The following ZCCHC7 variants were observed in gnomAD, a reference collection of about 807,000 sequenced individuals.
ZCCHC7 encodes zinc finger CCHC-type containing 7.
ZCCHC7 carries 35 observed loss-of-function variants against 52.0 expected under a neutral mutation model. That is an observed-to-expected ratio of 0.67 (90% CI 0.51 to 0.89). The LOEUF is 0.89. Among genes scored for constraint, ZCCHC7 ranks in the 40% least tolerant of loss-of-function variants. The pLI is 0.00. For missense variants in ZCCHC7, 574 were observed against 649.1 expected, an observed-to-expected ratio of 0.88 and a Z score of 1.26; for synonymous variants, 217 against 221.5, an observed-to-expected ratio of 0.98 and a Z score of 0.18.
intron 2 of ZCCHC7, among the ~76,000 whole-genome samples, chr9:37,200,711 C>G (rs1380073520): frequency 6.6e-6 from 1 of 152,126 alleles, no homozygotes; most frequent in Non-Finnish European, 1.5e-5. Flanking sequence ...TTATAGCTGT[C>G]TGTAAATTAT....
chr9:37,321,156 T>C (rs1272270655), intron 5 of ZCCHC7, among the ~76,000 whole-genome samples: 1 of 151,598 alleles, frequency 6.6e-6, no homozygotes, highest in Non-Finnish European at 1.5e-5. Context: ...ACCCGGCTAA[T>C]TTTTTGTATT....
chr9:37,133,288 A>T (rs1842866398), intron 2 of ZCCHC7, among the ~76,000 whole-genome samples: 1 of 152,180 alleles, frequency 6.6e-6, no homozygotes, highest in African/African-American at 2.4e-5. Context: ...CATGTAAATA[A>T]CTGTTATATT....
At chr9:37,326,278 T>C (rs1427000979) in intron 5 of ZCCHC7, 1 of 152,138 alleles carries the variant, frequency 6.6e-6, no homozygotes, top group Non-Finnish European at 1.5e-5. Flanking sequence ...AGTTTGTGGC[T>C]ACATTTGGTA....
chr9:37,244,101 G>T (rs1825984929), intron 2 of ZCCHC7, among the ~76,000 whole-genome samples: 1 of 151,568 alleles, frequency 6.6e-6, no homozygotes, highest in African/African-American at 2.4e-5. Context: ...ATGCCATATG[G>T]TTGCTGCCCA....
intron 1 of ZCCHC7, among the ~76,000 whole-genome samples, chr9:37,124,670 C>T (rs1365872691): frequency 6.6e-6 from 1 of 152,058 alleles, no homozygotes; most frequent in Non-Finnish European, 1.5e-5. Flanking sequence ...AGCCTGGTTG[C>T]AAGTGATTTT....
chr9:37,214,955 T>C (rs1824427168), intron 2 of ZCCHC7, among the ~76,000 whole-genome samples: 1 of 152,056 alleles, frequency 6.6e-6, no homozygotes, highest in Admixed American at 6.5e-5. Context: ...TGTAGGAAAA[T>C]AAAAACTTTA....
At chr9:37,162,922 G>T (rs1327944316) in intron 2 of ZCCHC7, among the ~76,000 whole-genome samples, 1 of 152,110 alleles carries the variant, frequency 6.6e-6, no homozygotes, top group East Asian at 1.9e-4. Context: ...AAAAATACAG[G>T]CCGGGTACTG....
intron 2 of ZCCHC7, among the ~76,000 whole-genome samples, chr9:37,231,117 T>C (rs1322778405): frequency 2.6e-5 from 4 of 152,146 alleles, no homozygotes; most frequent in Non-Finnish European, 5.9e-5. Context: ...ACTAATTTTT[T>C]CTATTTTTAG....
chr9:37,302,069 A>G, intron 2 of ZCCHC7, 119 bp from the exon 3 acceptor site: 3 of 797,026 alleles, frequency 3.8e-6, no homozygotes, highest in Non-Finnish European at 6.3e-6. Flanking sequence ...TCAGGTATTC[A>G]ACATTTCTCA....
chr9:37,181,381 A>T (rs1822345272), intron 2 of ZCCHC7, among the ~76,000 whole-genome samples: 1 of 152,230 alleles, frequency 6.6e-6, no homozygotes, highest in Non-Finnish European at 1.5e-5. Flanking sequence ...ATTTGCACTG[A>T]CTTCAAAACT....
intron 5 of ZCCHC7, among the ~76,000 whole-genome samples, chr9:37,324,839 G>A (rs1020988955): frequency 1.3e-5 from 2 of 152,184 alleles, no homozygotes; most frequent in African/African-American, 4.8e-5. Flanking sequence ...TTTGTTCATT[G>A]TTGTGGAAAT....
intron 2 of ZCCHC7, among the ~76,000 whole-genome samples, chr9:37,206,450 C>G (rs1823921597): frequency 6.6e-6 from 1 of 152,040 alleles, no homozygotes; most frequent in Admixed American, 6.5e-5. Context: ...CTGCTGGACT[C>G]AAGCAATCCT....
intron 2 of ZCCHC7, among the ~76,000 whole-genome samples, chr9:37,247,774 G>A (rs1013513246): frequency 6.6e-6 from 1 of 151,950 alleles, no homozygotes; most frequent in Admixed American, 6.6e-5. Context: ...CAATTAGCTG[G>A]GCATGGTGGC....
chr9:37,273,587 AG>A (rs1827539070), intron 2 of ZCCHC7, among the ~76,000 whole-genome samples: 1 of 152,242 alleles, frequency 6.6e-6, no homozygotes, highest in South Asian at 2.1e-4. Flanking sequence ...CTCCTCAGCA[AG>A]GGTAATCATC....
intron 7 of ZCCHC7, among the ~76,000 whole-genome samples, chr9:37,350,128 T>TG (rs1821279664): frequency 8.0e-6 from 1 of 125,296 alleles, no homozygotes; most frequent in African/African-American, 3.5e-5. Context: ...TGTTTTTTTT[T>TG]TTTTTGGTTT....
chr9:37,329,586 T>C (rs961580762), intron 6 of ZCCHC7, among the ~76,000 whole-genome samples: 1 of 151,894 alleles, frequency 6.6e-6, no homozygotes, highest in African/African-American at 2.4e-5. Context: ...AGTATAAATA[T>C]AAAACTAGCA....
At chr9:37,279,172 C>G (rs1159391873) in intron 2 of ZCCHC7, among the ~76,000 whole-genome samples, 3 of 151,282 alleles carry the variant, frequency 2.0e-5, no homozygotes, top group African/African-American at 7.3e-5. Context: ...TTATTTTATC[C>G]TCTTTATTTG....
intron 2 of ZCCHC7, among the ~76,000 whole-genome samples, chr9:37,164,853 A>G (rs776088415): frequency 2.0e-4 from 31 of 152,240 alleles, no homozygotes; most frequent in African/African-American, 1.2e-4. Context: ...GTCATGAGCC[A>G]CTGCACCCAG....
Position 37,327,927 on chromosome 9 carries a change from G to T in ZCCHC7, c.987+93G>T. 3 of 1,338,748 alleles carry T rather than the reference G, an allele frequency of 2.2e-6. No individual in the cohort carries two copies. In the South Asian group the frequency reaches 3.8e-5, roughly 17 times the overall value. The allele number at this position is 1,338,748 out of a possible 1,614,324, so 82.9% of individuals were successfully genotyped here. ...CATAAAATATAGACAAGCATCTTCT[G>T]CTGGAAGATAATAAACATCTGAAGA... is the stretch of plus-strand genomic sequence containing the variant. On this transcript the variant is annotated intron_variant, in intron 6 of 8. Coordinates refer to ENST00000336755, the MANE Select transcript of ZCCHC7 (RefSeq NM_032226.3).
Sources: allele counts gnomAD v4.1 joint callset (sites outside exome capture counted in the v4.1 genomes callset), GRCh38; gene constraint gnomAD v4.1.1; transcripts MANE v1.5; gene names NCBI Gene and HGNC (gene_info 2026-07-23, HGNC 2026-07-21).